TP73: variants seen among roughly 807,000 people sequenced by gnomAD.
TP73 encodes the protein p53-like transcription factor.
In TP73, 25 loss-of-function variants were observed where a neutral mutation model predicts 62.5. That is an observed-to-expected ratio of 0.40 (90% CI 0.29 to 0.56). The LOEUF is 0.56. Among genes scored for constraint, TP73 ranks in the 20% least tolerant of loss-of-function variants. The pLI is 0.46. For synonymous variants in TP73, 423 were observed against 377.5 expected (o/e 1.12, Z -1.40); for missense variants, 754 against 913.3 (o/e 0.83, Z 2.25).
intron 9 of TP73, 26 bp downstream of exon 9, chr1:3,728,243 C>T: frequency 6.2e-7 from 1 of 1,603,490 alleles, no homozygotes; most frequent in Non-Finnish European, 8.5e-7. Flanking sequence ...TGCACGGCAG[C>T]CGGGAGACCT....
intron 4 of TP73, among the ~76,000 whole-genome samples, chr1:3,712,611 A>C (rs1041921484): frequency 1.4e-4 from 21 of 152,158 alleles, no homozygotes; most frequent in African/African-American, 3.9e-4. Flanking sequence ...CTGTTGGGGG[A>C]GAGGCATGAT....
At chr1:3,692,328 G>A (rs1415343883) in intron 3 of TP73, among the ~76,000 whole-genome samples, 1 of 152,184 alleles carries the variant, frequency 6.6e-6, no homozygotes, top group Non-Finnish European at 1.5e-5. Flanking sequence ...CAGCCCCACA[G>A]CCTGCCCAGA....
At chr1:3,684,762 A>G (rs1266930706) in intron 3 of TP73, among the ~76,000 whole-genome samples, 1 of 136,812 alleles carries the variant, frequency 7.3e-6, no homozygotes. Context: ...CTGCCCTCCC[A>G]CCCCTGCTCA....
chr1:3,667,823 A>G (rs1266034419), intron 1 of TP73, among the ~76,000 whole-genome samples: 1 of 152,232 alleles, frequency 6.6e-6, no homozygotes, highest in African/African-American at 2.4e-5. Context: ...CCTGTAGTTC[A>G]CATCTGGACC....
At chr1:3,715,052 G>A (rs972798636) in intron 4 of TP73, among the ~76,000 whole-genome samples, 2 of 152,152 alleles carry the variant, frequency 1.3e-5, no homozygotes, top group Admixed American at 6.5e-5. Flanking sequence ...ACAGCATCTC[G>A]GCAGCAAAGT....
rs186500088 is a variant in TP73 at position 3,716,149 on chromosome 1, C to T, written c.430-5872C>T. Among the ~76,000 whole-genome samples the T allele has an allele frequency of 6.3e-4, 96 of 152,314 alleles. 1 individual carries two copies. The highest frequency in any genetic ancestry group is 4.4e-3 in the South Asian group (21 of 4,824). The stretch of plus-strand genomic sequence containing the variant: ...AGCCTCTGGGGCTCTAGCAGGCCTC[C>T]GTCAGGGCTGAGGATCGCTTGGCAT... On this transcript the variant is annotated intron_variant, in intron 4 of 13. Transcript: ENST00000378295.
chr1:3,722,279 C>T (rs974934691), intron 5 of TP73, 72 bp downstream of exon 5: 2 of 1,553,480 alleles, frequency 1.3e-6, no homozygotes, highest in African/African-American at 1.4e-5. Context: ...CCGGGGGCTG[C>T]CTAACTGGGA....
chr1:3,691,123 G>A (rs1293953023), intron 3 of TP73, among the ~76,000 whole-genome samples: 9 of 152,192 alleles, frequency 5.9e-5, no homozygotes, highest in African/African-American at 2.2e-4. Context: ...TCCCAGGCAT[G>A]GAGGCAAGCA....
At position 3,729,310 on chromosome 1, in the gene TP73, T is replaced by G. The variant is rs1641939198; in HGVS notation, c.1075-17T>G. The G allele has an allele frequency of 6.2e-7, 1 of 1,612,878 alleles. No individual in the cohort carries two copies. Among genetic ancestry groups the G allele is most frequent in the Non-Finnish European group, 8.5e-7 (1 of 1,179,930 alleles). On this transcript the variant is annotated splice_polypyrimidine_tract_variant and intron_variant, in intron 9 of 13. Coordinates refer to ENST00000378295, the MANE Select transcript of TP73 (RefSeq NM_005427.4). ...GGTCTGGGGCACGTGGGCAGAGATC[T>G]GCTCCTCTGTGCTCAGGTGCGAGGC...
chr1:3,706,310 T>C (rs868525939), intron 3 of TP73, among the ~76,000 whole-genome samples: 19 of 150,172 alleles, frequency 1.3e-4, no homozygotes, highest in African/African-American at 2.7e-4. Flanking sequence ...GGGACAATCA[T>C]GGTGCCCACC....
rs1014891692 is a variant in TP73, at chr1:3,696,739, C to T, written c.187-10810C>T. Among the ~76,000 whole-genome samples, 1 of 152,138 alleles carries T rather than the reference C, an allele frequency of 6.6e-6. No homozygotes were observed. The highest frequency in any genetic ancestry group is 1.5e-5 in the Non-Finnish European group (1 of 68,022). ...CCAAGGGAGCCCTCAGCATCCTCTCCAGGCCTTGTGTCATGAAAGACCCCG... is the reference window on the plus strand; with the variant it reads ...CCAAGGGAGCCCTCAGCATCCTCTCTAGGCCTTGTGTCATGAAAGACCCCG... On this transcript the variant is annotated intron_variant, in intron 3 of 13. Coordinates refer to ENST00000378295, the MANE Select transcript of TP73 (RefSeq NM_005427.4). The surrounding 1 kb of genome is among the most constrained non-coding windows in gnomAD (Gnocchi z 4.1).
chr1:3,727,430 G>A (rs565982617), intron 7 of TP73, 198 bp from the exon 8 acceptor site: 24 of 959,644 alleles, frequency 2.5e-5, no homozygotes, highest in African/African-American at 2.0e-4. Context: ...GGGAGTCCCC[G>A]GCGAGGTCTC....
chr1:3,731,367 G>A lies in TP73; in HGVS notation c.1485-96G>A, dbSNP rs1642126506. Reference sequence around the variant, plus strand: ...GAGCCACCCTTCGGAGACAGCGGCAGTCTCCGCCCCAGCCAGGCCACTCTC... The same window carrying A: ...GAGCCACCCTTCGGAGACAGCGGCAATCTCCGCCCCAGCCAGGCCACTCTC... On this transcript the variant is annotated intron_variant, in intron 12 of 13. Transcript: ENST00000378295. 2.3e-6 allele frequency: 3 copies of A among 1,289,410 alleles called. No individual in the cohort carries two copies. The South Asian group carries it at 4.0e-5, about 17-fold the overall frequency. The allele number at this position is 1,289,410 out of a possible 1,614,324, so 79.9% of individuals were successfully genotyped here.
intron 1 of TP73, among the ~76,000 whole-genome samples, chr1:3,669,925 T>A (rs1248518109): frequency 6.6e-6 from 1 of 152,222 alleles, no homozygotes; most frequent in Non-Finnish European, 1.5e-5. Flanking sequence ...TGTGTCCATG[T>A]GCATGTATGT....
chr1:3,676,138 G>A (rs1258365509), intron 1 of TP73, among the ~76,000 whole-genome samples: 1 of 148,762 alleles, frequency 6.7e-6, no homozygotes, highest in Non-Finnish European at 1.5e-5. Context: ...GAGGATGGGG[G>A]ACAAGGAGGG....
intron 7 of TP73, 94 bp downstream of exon 7, chr1:3,727,318 G>T (rs1038071195): frequency 1.6e-6 from 2 of 1,264,896 alleles, no homozygotes; most frequent in African/African-American, 1.5e-5. Flanking sequence ...GCAGGCCAAG[G>T]CTAGCTTGGG....
In TP73 at chr1:3,670,714, T is replaced by A. The variant is rs148444642; in HGVS notation, c.-33-11619T>A. Among the ~76,000 whole-genome samples, 137 of 151,198 alleles carry A rather than the reference T, an allele frequency of 9.1e-4. 2 individuals are homozygous for A. In the East Asian group the frequency reaches 0.022, roughly 25 times the overall value. ...AAGATAGGAAAAGAAAAAGAAAAAG[T>A]GAGGAGAAATGAGGAGGAAGTCGAG... is the stretch of plus-strand genomic sequence containing the variant. On this transcript the variant is annotated intron_variant, in intron 1 of 13. Transcript: ENST00000378295. The surrounding 1 kb of genome is among the most constrained non-coding windows in gnomAD (Gnocchi z 5.9).
intron 4 of TP73, among the ~76,000 whole-genome samples, chr1:3,720,165 C>T (rs2124468849): frequency 6.6e-6 from 1 of 152,356 alleles, no homozygotes; most frequent in African/African-American, 2.4e-5. Flanking sequence ...AGCTGCCTGC[C>T]TTGGCCTCCC....
intron 1 of TP73, 55 bp from the exon 2 acceptor site, chr1:3,682,275 CAGG>C (rs1645542657): frequency 7.7e-7 from 1 of 1,307,040 alleles, no homozygotes. Context: ...GAGGCTGTCA[CAGG>C]AGGACAGAGC....
Sources: gnomAD v4.1 joint callset for allele counts (sites outside exome capture counted in the v4.1 genomes callset) on GRCh38, gnomAD v4.1.1 for gene constraint, Gnocchi (gnomAD v3.1) non-coding constraint, MANE v1.5 for transcripts, NCBI Gene and HGNC (gene_info 2026-07-23, HGNC 2026-07-21) for gene names.